The following FOXP2 variants were observed in gnomAD, a reference collection of about 807,000 sequenced individuals.
The protein encoded by FOXP2 is forkhead box P2.
In FOXP2, 12 loss-of-function variants were observed where a neutral mutation model predicts 115.8. That is an observed-to-expected ratio of 0.10 (90% CI 0.07 to 0.17). The LOEUF is 0.17. Ranked by LOEUF, FOXP2 falls within the 10% of genes least tolerant of loss-of-function variation. The pLI is 1.00. For synonymous variants in FOXP2, 328 were observed against 297.7 expected, an observed-to-expected ratio of 1.10 and a Z score of -1.05; for missense variants, 629 against 843.5, an observed-to-expected ratio of 0.75 and a Z score of 3.15.
intron 2 of FOXP2, among the ~76,000 whole-genome samples, chr7:114,316,647 A>T (rs1446379360): frequency 2.6e-5 from 4 of 152,124 alleles, no homozygotes; most frequent in African/African-American, 9.7e-5. Context: ...AGCCCTGTAG[A>T]TATGAGAGAA....
intron 3 of FOXP2, among the ~76,000 whole-genome samples, chr7:114,571,414 C>T (rs1336805985): frequency 6.6e-6 from 1 of 151,788 alleles, no homozygotes; most frequent in Non-Finnish European, 1.5e-5. Flanking sequence ...GGATAGTAAT[C>T]CTCAAGTCTC....
intron 16 of FOXP2, among the ~76,000 whole-genome samples, chr7:114,671,574 T>C (rs190905685): frequency 9.8e-5 from 15 of 152,330 alleles, no homozygotes; most frequent in Non-Finnish European, 1.5e-4. Context: ...CTAACACTAG[T>C]TGAGCCTTAA....
At chr7:114,530,430 T>C (rs1000214198) in intron 2 of FOXP2, among the ~76,000 whole-genome samples, 3 of 151,922 alleles carry the variant, frequency 2.0e-5, no homozygotes, top group African/African-American at 4.8e-5. Flanking sequence ...CATTTTAATG[T>C]CTCAAATGCA....
chr7:114,101,091 T>G (rs1790937690), intron 1 of FOXP2, among the ~76,000 whole-genome samples: 1 of 152,152 alleles, frequency 6.6e-6, no homozygotes, highest in Non-Finnish European at 1.5e-5. Flanking sequence ...TTTTGTGCTC[T>G]TGTCCCCCAA....
At chr7:114,450,206 T>C (rs1247449377) in intron 2 of FOXP2, among the ~76,000 whole-genome samples, 1 of 152,124 alleles carries the variant, frequency 6.6e-6, no homozygotes, top group Non-Finnish European at 1.5e-5. Context: ...CAAAAACATA[T>C]GTCCTTCCTC....
chr7:114,680,068 C>A (rs1808005111), intron 16 of FOXP2, among the ~76,000 whole-genome samples: 2 of 152,114 alleles, frequency 1.3e-5, no homozygotes, highest in South Asian at 2.1e-4. Context: ...GACTTTGTAC[C>A]TCTGTCAGGG....
intron 1 of FOXP2, among the ~76,000 whole-genome samples, chr7:114,155,425 G>A (rs1281992723): frequency 6.6e-6 from 1 of 152,062 alleles, no homozygotes; most frequent in Non-Finnish European, 1.5e-5. Context: ...ATGACAGATA[G>A]CAGACCCTTA....
chr7:114,291,187 T>C (rs188509235), intron 2 of FOXP2, among the ~76,000 whole-genome samples: 1 of 152,248 alleles, frequency 6.6e-6, no homozygotes, highest in Admixed American at 6.5e-5. Flanking sequence ...CAACCTCTGG[T>C]GAGGGCCTTC....
intron 3 of FOXP2, among the ~76,000 whole-genome samples, chr7:114,614,938 T>C (rs1803847868): frequency 6.6e-6 from 1 of 152,034 alleles, no homozygotes; most frequent in African/African-American, 2.4e-5. Flanking sequence ...AATAAAACTT[T>C]GGCTGGGCGC....
intron 1 of FOXP2, among the ~76,000 whole-genome samples, chr7:114,172,303 C>T (rs1441353993): frequency 1.3e-5 from 2 of 152,068 alleles, no homozygotes; most frequent in Non-Finnish European, 2.9e-5. Flanking sequence ...ATATGACATT[C>T]TGTAAAAGGC....
intron 1 of FOXP2, among the ~76,000 whole-genome samples, chr7:114,095,559 A>C (rs868737935): frequency 4.6e-5 from 7 of 152,218 alleles, no homozygotes; most frequent in Non-Finnish European, 8.8e-5. Context: ...ATGGTAAGAC[A>C]ATGAGAGAAG....
At chr7:114,305,638 A>G (rs182106848) in intron 2 of FOXP2, among the ~76,000 whole-genome samples, 109 of 152,244 alleles carry the variant, frequency 7.2e-4, no homozygotes, top group African/African-American at 2.5e-3. Context: ...TACGGTAAGA[A>G]GTTTAGAACT....
intron 3 of FOXP2, among the ~76,000 whole-genome samples, chr7:114,564,974 A>G (rs1205434626): frequency 2.0e-5 from 3 of 151,712 alleles, no homozygotes; most frequent in Non-Finnish European, 4.4e-5. Flanking sequence ...ATATACTATT[A>G]TATCTTATTT....
chr7:114,143,166 A>G (rs988554170), intron 1 of FOXP2, among the ~76,000 whole-genome samples: 1 of 148,780 alleles, frequency 6.7e-6, no homozygotes, highest in Non-Finnish European at 1.5e-5. Context: ...TAATAATAAT[A>G]ATAATAATAA....
upstream of FOXP2, among the ~76,000 whole-genome samples, chr7:114,162,058 C>T (rs1306386638): frequency 6.6e-6 from 1 of 152,142 alleles, no homozygotes; most frequent in Non-Finnish European, 1.5e-5. Flanking sequence ...GCTGGGATTA[C>T]AGGCGTGAGT....
At chr7:114,149,368 T>A (rs1562982048) in intron 1 of FOXP2, among the ~76,000 whole-genome samples, 1 of 152,100 alleles carries the variant, frequency 6.6e-6, no homozygotes, top group East Asian at 1.9e-4. Flanking sequence ...CAATATGTAA[T>A]ATGTGATTAT....
At chr7:114,472,637 C>T (rs1016341274) in intron 2 of FOXP2, among the ~76,000 whole-genome samples, 12 of 152,114 alleles carry the variant, frequency 7.9e-5, no homozygotes, top group South Asian at 2.1e-4. Flanking sequence ...CGTGAGCCAT[C>T]GTGCCCAGCC....
At chr7:114,161,654 G>GCATATATATATATATATATATATATATA (rs1554424363), upstream of FOXP2, among the ~76,000 whole-genome samples, 2 of 151,438 alleles carry the variant, frequency 1.3e-5, no homozygotes, top group African/African-American at 4.9e-5. Context: ...GTGTGTGCGT[G>GCATATATATATATATATATATATATATA]TATATATATA....
chr7:114,410,268 G>T (rs917442103), upstream of FOXP2, among the ~76,000 whole-genome samples: 1 of 152,048 alleles, frequency 6.6e-6, no homozygotes, highest in Admixed American at 6.6e-5. Context: ...GACTAGATCG[G>T]ATTTTACTAT....
Sources: gnomAD v4.1 joint callset for allele counts (sites outside exome capture counted in the v4.1 genomes callset) on GRCh38, gnomAD v4.1.1 for gene constraint, MANE v1.5 for transcripts, NCBI Gene and HGNC (gene_info 2026-07-23, HGNC 2026-07-21) for gene names.